TENM3: variants seen among roughly 807,000 people sequenced by gnomAD.
TENM3 encodes the protein teneurin transmembrane protein 3.
A neutral mutation model predicts 255.1 loss-of-function variants in TENM3; 63 were observed. The observed-to-expected ratio is 0.25, with a 90% CI of 0.20 to 0.30. The LOEUF (loss-of-function observed/expected upper bound fraction) is 0.30, where lower values mean the gene tolerates loss of function less well. TENM3 is among the 10% of genes least tolerant of loss of function. The pLI, the probability that TENM3 is intolerant of heterozygous loss-of-function variation, is 1.00. For synonymous variants in TENM3, 1,306 were observed against 1,322.3 expected (o/e 0.99, Z 0.27); for missense variants, 2,929 against 3,461.1 (o/e 0.85, Z 3.86).
At chr4:182,779,148 C>A (rs1485435770) in intron 24 of TENM3, among the ~76,000 whole-genome samples, 1 of 150,664 alleles carries the variant, frequency 6.6e-6, no homozygotes, top group Non-Finnish European at 1.5e-5. Flanking sequence ...TGCTGGTACA[C>A]TGCACCCACT....
At chr4:182,728,743 A>G (rs1209931702) in intron 13 of TENM3, among the ~76,000 whole-genome samples, 1 of 152,160 alleles carries the variant, frequency 6.6e-6, no homozygotes, top group Non-Finnish European at 1.5e-5. Context: ...ATTATTATCT[A>G]TGGGACCACT....
At chr4:182,326,753 G>A (rs544397776) in intron 2 of TENM3, among the ~76,000 whole-genome samples, 20 of 152,068 alleles carry the variant, frequency 1.3e-4, no homozygotes, top group South Asian at 4.2e-4. Flanking sequence ...TTGTTCCTCA[G>A]ACTGGTCTCA....
chr4:182,708,647 A>C (rs1758485381), intron 12 of TENM3, among the ~76,000 whole-genome samples: 1 of 152,012 alleles, frequency 6.6e-6, no homozygotes, highest in Admixed American at 6.6e-5. Context: ...AAAATACAAA[A>C]ATTAGCCAGG....
the TENM3 span, among the ~76,000 whole-genome samples, chr4:181,480,145 C>T: frequency 1.3e-5 from 2 of 149,084 alleles, no homozygotes; most frequent in Non-Finnish European, 3.0e-5. Context: ...TTCCTATAAA[C>T]TGAGTTGCTA....
the TENM3 span, among the ~76,000 whole-genome samples, chr4:181,787,584 C>A: frequency 6.6e-6 from 1 of 152,112 alleles, no homozygotes; most frequent in South Asian, 2.1e-4. Context: ...AAGTGATCTG[C>A]CCACCTCTGC....
At chr4:182,706,058 A>G (rs1758257936) in intron 12 of TENM3, among the ~76,000 whole-genome samples, 1 of 152,204 alleles carries the variant, frequency 6.6e-6, no homozygotes. Context: ...GTTGGAACTA[A>G]GGATTTCCAC....
chr4:181,657,005 A>G, the TENM3 span, among the ~76,000 whole-genome samples: 5 of 152,260 alleles, frequency 3.3e-5, no homozygotes, highest in Non-Finnish European at 7.3e-5. Context: ...TAGTTCTTCA[A>G]GCTCACCCAG....
At chr4:182,470,380 T>G (rs1388699513) in intron 3 of TENM3, among the ~76,000 whole-genome samples, 1 of 152,218 alleles carries the variant, frequency 6.6e-6, no homozygotes, top group East Asian at 1.9e-4. Context: ...GTTTAACATA[T>G]GAATGATAAG....
chr4:181,606,884 C>G, the TENM3 span, among the ~76,000 whole-genome samples: 1 of 152,056 alleles, frequency 6.6e-6, no homozygotes, highest in African/African-American at 2.4e-5. Context: ...GTTCACCAGC[C>G]CAGGGCCATT....
At chr4:182,538,455 G>A (rs1397227291) in intron 3 of TENM3, among the ~76,000 whole-genome samples, 1 of 152,172 alleles carries the variant, frequency 6.6e-6, no homozygotes, top group Non-Finnish European at 1.5e-5. Context: ...TACAGGTAAA[G>A]GGTAGAGCAT....
chr4:182,711,961 A>G (rs1758780013), intron 12 of TENM3, among the ~76,000 whole-genome samples: 1 of 152,148 alleles, frequency 6.6e-6, no homozygotes, highest in Non-Finnish European at 1.5e-5. Context: ...ATTCTAAGCT[A>G]AAGAATCACA....
chr4:181,546,943 C>T, the TENM3 span, among the ~76,000 whole-genome samples: 1 of 152,072 alleles, frequency 6.6e-6, no homozygotes, highest in East Asian at 1.9e-4. Context: ...TGCTACTTCA[C>T]ATTTCATTTT....
At chr4:182,568,942 A>G (rs562566287) in intron 3 of TENM3, among the ~76,000 whole-genome samples, 1 of 152,314 alleles carries the variant, frequency 6.6e-6, no homozygotes, top group East Asian at 1.9e-4. Context: ...CACAGAAAAC[A>G]TTTATATGGT....
At chr4:181,544,991 C>G in the TENM3 span, among the ~76,000 whole-genome samples, 1 of 152,160 alleles carries the variant, frequency 6.6e-6, no homozygotes, top group Non-Finnish European at 1.5e-5. Flanking sequence ...AATTCTGAAA[C>G]AGATATTTGA....
chr4:182,779,410 A>G (rs1232441467), intron 24 of TENM3, among the ~76,000 whole-genome samples: 1 of 152,124 alleles, frequency 6.6e-6, no homozygotes, highest in African/African-American at 2.4e-5. Context: ...ATGGCTGCAT[A>G]GTATTCCATG....
the TENM3 span, among the ~76,000 whole-genome samples, chr4:181,470,490 G>T: frequency 6.6e-6 from 1 of 152,118 alleles, no homozygotes; most frequent in African/African-American, 2.4e-5. Context: ...AGGTTGCTTA[G>T]TGATATAGTA....
At chr4:182,584,678 C>T (rs1393522392) in intron 3 of TENM3, among the ~76,000 whole-genome samples, 1 of 151,942 alleles carries the variant, frequency 6.6e-6, no homozygotes, top group Admixed American at 6.6e-5. Context: ...ATTATTCTGT[C>T]GCCCAGGCTG....
intron 2 of TENM3, among the ~76,000 whole-genome samples, chr4:182,341,937 ACT>A (rs1348602233): frequency 6.6e-6 from 1 of 152,162 alleles, no homozygotes; most frequent in East Asian, 1.9e-4. Flanking sequence ...CTCATTGCGA[ACT>A]CCAAGTCCCA....
At chr4:182,475,945 C>G (rs1046817684) in intron 3 of TENM3, among the ~76,000 whole-genome samples, 18 of 152,208 alleles carry the variant, frequency 1.2e-4, no homozygotes, top group African/African-American at 1.9e-4. Context: ...GTTCCAGTCT[C>G]TCTCGTACAT....
Sources: gnomAD v4.1 joint callset for allele counts (sites outside exome capture counted in the v4.1 genomes callset) on GRCh38, gnomAD v4.1.1 for gene constraint, MANE v1.5 for transcripts, NCBI Gene and HGNC (gene_info 2026-07-23, HGNC 2026-07-21) for gene names.